Variants in LSG1 observed in about 807,000 individuals in gnomAD.
LSG1 encodes large 60S subunit nuclear export GTPase 1.
In LSG1, 55 loss-of-function variants were observed where a neutral mutation model predicts 82.6. The ratio of observed to expected loss-of-function variants is 0.67; its 90% CI spans 0.54 to 0.83. The LOEUF is 0.83. Among genes scored for constraint, LSG1 ranks in the 40% least tolerant of loss-of-function variants. The pLI is 0.00. For synonymous variants in LSG1, 272 were observed against 282.5 expected, an observed-to-expected ratio of 0.96 and a Z score of 0.37; for missense variants, 809 against 807.9, an observed-to-expected ratio of 1.00 and a Z score of -0.02.
At chr3:194,643,165 T>C (rs1288760280) in intron 13 of LSG1, among the ~76,000 whole-genome samples, 2 of 152,252 alleles carry the variant, frequency 1.3e-5, no homozygotes, top group African/African-American at 2.4e-5. Context: ...GCATGTACAT[T>C]TGACCTTTAA....
At chr3:194,660,508 C>T (rs1718904326) in intron 5 of LSG1, among the ~76,000 whole-genome samples, 1 of 152,178 alleles carries the variant, frequency 6.6e-6, no homozygotes, top group Non-Finnish European at 1.5e-5. Flanking sequence ...AAGAGTATTC[C>T]AAACACTTCA....
chr3:194,642,231 A>G lies in LSG1; in HGVS notation c.1814T>C (p.Leu605Ser). 6.2e-7 allele frequency: 1 copy of G among 1,612,486 alleles called. No homozygotes were observed. The highest frequency in any genetic ancestry group is 8.5e-7 in the Non-Finnish European group (1 of 1,179,550). ...CATCACAGCCTGGACTCCTTTGGTC[A>G]AAGCCCTCACATTCTCCTAGGAAAT... ...TFFHQENVRA[L>S]TKGVQAVMGY... The change falls in exon 14 of 14, where the codon TTG becomes TCG. Residue 605 changes from leucine to serine, a missense_variant. Leu to Ser is a moderately radical substitution (Grantham distance 145). Transcript: ENST00000265245.
chr3:194,667,937 AAAAAAATATAT>A (rs1719063172), intron 2 of LSG1, among the ~76,000 whole-genome samples: 2 of 105,802 alleles, frequency 1.9e-5, no homozygotes, highest in Admixed American at 1.9e-4. Flanking sequence ...AAAAAAAAAA[AAAAAAATATAT>A]ATATATATAT....
chr3:194,651,979 A>C (rs942732585), intron 8 of LSG1, among the ~76,000 whole-genome samples: 1 of 152,062 alleles, frequency 6.6e-6, no homozygotes, highest in Non-Finnish European at 1.5e-5. Flanking sequence ...ATTTTGGGGC[A>C]GGGGGTTGGG....
At position 194,645,593 on chromosome 3, in the gene LSG1, C is replaced by CACAGACAG. The variant is rs1198532047; in HGVS notation, c.1623+570_1623+571insCTGTCTGT. 8.5e-4 allele frequency among the ~76,000 whole-genome samples: 85 copies of CACAGACAG among 100,224 alleles called. 5 individuals carry two copies. Among genetic ancestry groups the CACAGACAG allele is most frequent in the African/African-American group, 3.5e-3 (82 of 23,534 alleles). 65.8% of individuals were successfully genotyped at this position (100,224 alleles called of 152,430 possible). A position where few individuals can be genotyped will look rare whatever the true frequency, so the allele number is the denominator to read the frequency against. ...ACAGACAGACACACACACACACACA[C>CACAGACAG]ACACACACACACACACACACACACA... On this transcript the variant is annotated intron_variant, in intron 12 of 13. Transcript: ENST00000265245.
At chr3:194,670,296 A>C (rs1055887420) in intron 1 of LSG1, among the ~76,000 whole-genome samples, 161 bp from the exon 2 acceptor site, 1 of 152,220 alleles carries the variant, frequency 6.6e-6, no homozygotes, top group Non-Finnish European at 1.5e-5. Context: ...ACACGTTCTT[A>C]CCTCACAATA....
At chr3:194,667,942 A>AAATATATATATAT (rs1416407494) in intron 2 of LSG1, among the ~76,000 whole-genome samples, 77 of 86,966 alleles carry the variant, frequency 8.9e-4, no homozygotes, top group Admixed American at 1.4e-3. Flanking sequence ...AAAAAAAAAA[A>AAATATATATATAT]ATATATATAT....
intron 7 of LSG1, among the ~76,000 whole-genome samples, chr3:194,658,304 T>C (rs914406009): frequency 6.6e-6 from 1 of 152,064 alleles, no homozygotes; most frequent in Non-Finnish European, 1.5e-5. Context: ...CCCGCCACCA[T>C]GCCCGGCTAA....
intron 7 of LSG1, among the ~76,000 whole-genome samples, chr3:194,656,497 A>T (rs9824842): frequency 0.61 from 91,833 of 150,296 alleles, 29,514 homozygotes; most frequent in East Asian, 0.87. Flanking sequence ...GTCAGGAAAC[A>T]ACAGGTGCTG....
chr3:194,652,320 A>G (rs1390831272), intron 8 of LSG1, among the ~76,000 whole-genome samples: 1 of 152,222 alleles, frequency 6.6e-6, no homozygotes, highest in Non-Finnish European at 1.5e-5. Flanking sequence ...TCCAGCCCCA[A>G]GATGCTGGGA....
intron 2 of LSG1, among the ~76,000 whole-genome samples, chr3:194,668,662 A>G (rs1675932): frequency 0.64 from 97,980 of 152,004 alleles, 32,344 homozygotes; most frequent in East Asian, 0.87. Flanking sequence ...AAAGTGATAC[A>G]GTCTCCTAAC....
Position 194,660,183 on chromosome 3 carries a change from T to C in LSG1, c.522-50A>G, listed in dbSNP as rs1253812652. The C allele has an allele frequency of 2.1e-6, 3 of 1,435,484 alleles. No homozygotes were observed. In the Admixed American group the frequency reaches 5.0e-5, roughly 24 times the overall value. 88.9% of individuals were successfully genotyped at this position (1,435,484 alleles called of 1,614,324 possible). ...CAATCACCGTGAAGTGAAAGGGATT[T>C]TACTAACCACATAATAATGGCCAGA... On this transcript the variant is annotated intron_variant, in intron 5 of 13. Coordinates refer to ENST00000265245, the MANE Select transcript of LSG1 (RefSeq NM_018385.3).
At chr3:194,665,686 T>C (rs558821830) in intron 4 of LSG1, 43 bp from the exon 5 acceptor site, 17 of 1,225,916 alleles carry the variant, frequency 1.4e-5, no homozygotes, top group East Asian at 4.7e-5. Flanking sequence ...CAGATTATAA[T>C]AGACAATTTT....
In LSG1 at chr3:194,666,288, G is replaced by A; in HGVS notation, c.349C>T (p.Pro117Ser). 1 of 1,613,806 alleles carries A rather than the reference G, an allele frequency of 6.2e-7. No homozygotes were observed. The highest frequency in any genetic ancestry group is 8.5e-7 in the Non-Finnish European group (1 of 1,179,824). Reference protein sequence around the residue: ...NKQFLCIPRRPNWNQNTTPEE... With the variant: ...NKQFLCIPRRSNWNQNTTPEE... ...GGGGTAGTATTTTGGTTCCAGTTTGGTCTGAAACAATCATAGAAGGAAAAA... is the reference window on the plus strand; with the variant it reads ...GGGGTAGTATTTTGGTTCCAGTTTGATCTGAAACAATCATAGAAGGAAAAA... The change falls in exon 4 of 14, where the codon CCA (proline) becomes TCA (serine). Residue 117 changes from proline (P) to serine (S), a missense_variant and splice_region_variant. By Grantham distance (74) the Pro-to-Ser change is moderately conservative. Transcript: ENST00000265245.
intron 7 of LSG1, among the ~76,000 whole-genome samples, chr3:194,656,907 C>G (rs1279330270): frequency 6.6e-6 from 1 of 151,940 alleles, no homozygotes; most frequent in Non-Finnish European, 1.5e-5. Context: ...GACAAAAAAC[C>G]AAACACCGCA....
In LSG1 at chr3:194,641,775, G is replaced by T. The variant is rs922522996; in HGVS notation, c.*293C>A. 1 of 231,898 alleles carries T rather than the reference G, an allele frequency of 4.3e-6. No individual in the cohort carries two copies. Among genetic ancestry groups the T allele is most frequent in the Admixed American group, 5.4e-5 (1 of 18,384 alleles). The allele number at this position is 231,898 out of a possible 1,614,324, so 14.4% of individuals were successfully genotyped here. On this transcript the variant is annotated 3_prime_UTR_variant, in exon 14 of 14. Transcript: ENST00000265245. ...ATTACAGGTGCGCGCCACCACGCCTGGCTAATTTTTTTGTATTTTTAGTAG... is the reference window on the plus strand; with the variant it reads ...ATTACAGGTGCGCGCCACCACGCCTTGCTAATTTTTTTGTATTTTTAGTAG...
chr3:194,656,359 AAAG>A (rs1430006639), intron 7 of LSG1, among the ~76,000 whole-genome samples: 2 of 151,684 alleles, frequency 1.3e-5, no homozygotes, highest in Admixed American at 1.3e-4. Flanking sequence ...ACACTTCTCA[AAAG>A]AAGACATTTA....
At position 194,641,170 on chromosome 3, in the gene LSG1, T is replaced by C. The variant is rs997887494; in HGVS notation, c.*898A>G. On this transcript the variant is annotated 3_prime_UTR_variant, in exon 14 of 14. Coordinates refer to ENST00000265245, the MANE Select transcript of LSG1 (RefSeq NM_018385.3). ...TGCTTTTGATTATCTTTTGTAACTA[T>C]GTTATTGAACTATAATTTACATACC... 1 of 152,240 alleles carries C rather than the reference T, an allele frequency of 6.6e-6. No homozygotes were observed. The highest frequency in any genetic ancestry group is 2.4e-5 in the African/African-American group (1 of 41,460). The allele number at this position is 152,240 out of a possible 1,614,324, so 9.4% of individuals were successfully genotyped here.
intron 11 of LSG1, among the ~76,000 whole-genome samples, chr3:194,647,509 CAG>C (rs1393550135): frequency 6.6e-6 from 1 of 152,186 alleles, no homozygotes; most frequent in Non-Finnish European, 1.5e-5. Context: ...AATTTACTGT[CAG>C]AGATTTTCTT....
Sources: allele counts gnomAD v4.1 joint callset (sites outside exome capture counted in the v4.1 genomes callset), GRCh38; gene constraint gnomAD v4.1.1; transcripts MANE v1.5; gene names NCBI Gene and HGNC (gene_info 2026-07-23, HGNC 2026-07-21).